Variants in HUNK observed in about 807,000 individuals in gnomAD.
HUNK encodes hormonally up-regulated neu tumor-associated kinase.
Under a neutral mutation model 61.0 loss-of-function variants are expected in HUNK, and 21 were observed. The observed-to-expected ratio is 0.34, with a 90% CI of 0.24 to 0.50. The LOEUF (loss-of-function observed/expected upper bound fraction) is 0.50. Among genes scored for constraint, HUNK ranks in the 20% least tolerant of loss-of-function variants. The pLI, the probability that HUNK is intolerant of heterozygous loss-of-function variation, is 0.98. For synonymous variants in HUNK, 371 were observed against 386.1 expected (o/e 0.96, Z 0.46); for missense variants, 772 against 945.7 (o/e 0.82, Z 2.41).
chr21:31,895,466 T>G (rs1224746042), intron 1 of HUNK, among the ~76,000 whole-genome samples: 1 of 152,212 alleles, frequency 6.6e-6, no homozygotes, highest in African/African-American at 2.4e-5. Context: ...GACAATTACA[T>G]GCAAGTGGAG....
chr21:31,992,460 A>G (rs1237653495), intron 9 of HUNK, among the ~76,000 whole-genome samples: 2 of 152,230 alleles, frequency 1.3e-5, no homozygotes, highest in Non-Finnish European at 1.5e-5. Flanking sequence ...TGTTTAGTGT[A>G]TGGCTTGCCT....
At chr21:31,877,118 G>A (rs2052269033) in intron 1 of HUNK, among the ~76,000 whole-genome samples, 1 of 152,174 alleles carries the variant, frequency 6.6e-6, no homozygotes, top group South Asian at 2.1e-4. Context: ...AGTTGAGAGG[G>A]CACCCCAAGT....
chr21:31,912,225 C>T (rs905102891), intron 1 of HUNK, among the ~76,000 whole-genome samples: 4 of 152,154 alleles, frequency 2.6e-5, no homozygotes, highest in Non-Finnish European at 5.9e-5. Context: ...GTTCCTGACG[C>T]GGTGCTGGAC....
chr21:31,885,080 A>G (rs2052336599), intron 1 of HUNK, among the ~76,000 whole-genome samples: 1 of 152,018 alleles, frequency 6.6e-6, no homozygotes, highest in African/African-American at 2.4e-5. Context: ...GCCTGGCCAA[A>G]TTGTCTGTTC....
chr21:31,877,045 C>T (rs1180450170), intron 1 of HUNK, among the ~76,000 whole-genome samples: 1 of 152,134 alleles, frequency 6.6e-6, no homozygotes, highest in African/African-American at 2.4e-5. Flanking sequence ...CGAAAGGATT[C>T]AGGGCAGCTT....
At chr21:31,960,013 G>C (rs1192886162) in intron 5 of HUNK, among the ~76,000 whole-genome samples, 1 of 152,226 alleles carries the variant, frequency 6.6e-6, no homozygotes, top group East Asian at 1.9e-4. Flanking sequence ...TCTGCACTGA[G>C]AGTCATAACT....
At chr21:31,963,353 C>T (rs954829767) in intron 5 of HUNK, among the ~76,000 whole-genome samples, 3 of 151,980 alleles carry the variant, frequency 2.0e-5, no homozygotes, top group Admixed American at 6.6e-5. Flanking sequence ...TAAGACGCAC[C>T]CCCCCTACAA....
At chr21:31,919,688 G>A (rs960897438) in intron 1 of HUNK, among the ~76,000 whole-genome samples, 30 of 152,300 alleles carry the variant, frequency 2.0e-4, no homozygotes, top group Admixed American at 7.8e-4. Flanking sequence ...AGCCTGAGAG[G>A]GAGTTCGTGA....
intron 1 of HUNK, among the ~76,000 whole-genome samples, chr21:31,902,566 T>C (rs541448152): frequency 6.6e-6 from 1 of 152,100 alleles, no homozygotes; most frequent in Non-Finnish European, 1.5e-5. Flanking sequence ...GAAGCATGTA[T>C]AGTGTTTCGT....
At chr21:31,911,135 G>GATTC (rs1461006816) in intron 1 of HUNK, among the ~76,000 whole-genome samples, 3 of 152,206 alleles carry the variant, frequency 2.0e-5, no homozygotes, top group African/African-American at 7.2e-5. Context: ...ACTGCACGTG[G>GATTC]ATTCATTCAT....
chr21:31,972,564 G>C (rs189690415), intron 6 of HUNK, among the ~76,000 whole-genome samples: 1 of 152,274 alleles, frequency 6.6e-6, no homozygotes, highest in East Asian at 1.9e-4. Context: ...TTTTCTTCCA[G>C]AACACCCCAT....
At chr21:31,983,422 C>G in intron 7 of HUNK, 104 bp from the exon 8 acceptor site, 1 of 883,452 alleles carries the variant, frequency 1.1e-6, no homozygotes, top group Non-Finnish European at 1.8e-6. Flanking sequence ...CCAAACATTT[C>G]CAGCATTCTC....
At chr21:31,957,742 G>T (rs1371494011) in intron 4 of HUNK, among the ~76,000 whole-genome samples, 1 of 152,176 alleles carries the variant, frequency 6.6e-6, no homozygotes, top group Admixed American at 6.6e-5. Context: ...GTGCAGTTAA[G>T]CTTACTCAGA....
At chr21:31,987,918 G>A (rs2053144987) in intron 8 of HUNK, among the ~76,000 whole-genome samples, 1 of 152,190 alleles carries the variant, frequency 6.6e-6, no homozygotes, top group Non-Finnish European at 1.5e-5. Context: ...CAGATTGTGA[G>A]CAAACCAGGG....
At chr21:31,943,081 A>C (rs1306674416) in intron 3 of HUNK, among the ~76,000 whole-genome samples, 1 of 151,536 alleles carries the variant, frequency 6.6e-6, no homozygotes, top group African/African-American at 2.4e-5. Context: ...CTTCAAAGGC[A>C]TTACCTACTT....
At chr21:31,898,309 A>G (rs1249341476) in intron 1 of HUNK, among the ~76,000 whole-genome samples, 1 of 152,216 alleles carries the variant, frequency 6.6e-6, no homozygotes, top group African/African-American at 2.4e-5. Context: ...CTTGTTGCCC[A>G]GGCTGAAGTG....
chr21:31,997,014 G>C lies in HUNK; in HGVS notation c.1486+1066G>C, dbSNP rs192695355. Among the ~76,000 whole-genome samples, 463 of 152,326 alleles carry C rather than the reference G, an allele frequency of 3.0e-3. 1 individual carries two copies. Among genetic ancestry groups the C allele is most frequent in the Middle Eastern group, 6.8e-3 (2 of 294 alleles). ...TGATGCATCTCAGGTGCCTGCGCCG[G>C]CCTTTCATTTCGGTGCCTGTGTGTT... On this transcript the variant is annotated intron_variant, in intron 10 of 10. Transcript: ENST00000270112.
intron 2 of HUNK, among the ~76,000 whole-genome samples, chr21:31,939,425 T>TTTTTTTTG (rs59738383): frequency 8.0e-6 from 1 of 124,416 alleles, no homozygotes; most frequent in African/African-American, 3.1e-5. Flanking sequence ...TTTTTTTTTT[T>TTTTTTTTG]GAGATGGAGT....
In HUNK at chr21:31,903,228, C is replaced by T. The variant is rs1254666451; in HGVS notation, c.262-21240C>T. 1.3e-5 allele frequency among the ~76,000 whole-genome samples: 2 copies of T among 151,882 alleles called. 1 individual carries two copies. The highest frequency in any genetic ancestry group is 2.9e-5 in the Non-Finnish European group (2 of 67,956). On this transcript the variant is annotated intron_variant, in intron 1 of 10. Coordinates refer to ENST00000270112, the MANE Select transcript of HUNK (RefSeq NM_014586.2). ...AACTCCAATCACAGCTACCCCTCCA[C>T]CACAAATCAAAAAAGATATCTCAGA...
Sources: allele counts gnomAD v4.1 joint callset (sites outside exome capture counted in the v4.1 genomes callset), GRCh38; gene constraint gnomAD v4.1.1; transcripts MANE v1.5; gene names NCBI Gene and HGNC (gene_info 2026-07-23, HGNC 2026-07-21).